The following CRB1 variants were observed in gnomAD, a reference collection of about 807,000 sequenced individuals.
CRB1 encodes crumbs cell polarity complex component 1.
A neutral mutation model predicts 120.0 loss-of-function variants in CRB1; 83 were observed. The ratio of observed to expected loss-of-function variants is 0.69; its 90% CI spans 0.58 to 0.83. CRB1 has a LOEUF of 0.83. Ranked by LOEUF, CRB1 falls within the 40% of genes least tolerant of loss-of-function variation. CRB1 has a pLI of 0.00. For missense variants in CRB1, 1,699 were observed against 1,687.6 expected (o/e 1.01, Z -0.12); for synonymous variants, 625 against 612.5 (o/e 1.02, Z -0.30).
intron 2 of CRB1, among the ~76,000 whole-genome samples, chr1:197,341,479 G>A (rs1300866245): frequency 6.6e-6 from 1 of 152,010 alleles, no homozygotes; most frequent in African/African-American, 2.4e-5. Flanking sequence ...GGAGGCAGAG[G>A]TTGCAGCGAG....
intron 5 of CRB1, among the ~76,000 whole-genome samples, chr1:197,406,379 A>C (rs1447976579): frequency 1.3e-5 from 2 of 152,122 alleles, no homozygotes; most frequent in South Asian, 4.1e-4. Flanking sequence ...TGAAGGCAGC[A>C]TGCTCGTTAA....
At chr1:197,460,643 A>C (rs1666489250) in intron 11 of CRB1, among the ~76,000 whole-genome samples, 1 of 152,146 alleles carries the variant, frequency 6.6e-6, no homozygotes. Context: ...CAAAGAAGTG[A>C]AGTGACTTAC....
intron 11 of CRB1, among the ~76,000 whole-genome samples, chr1:197,449,617 C>G (rs991574322): frequency 6.6e-6 from 1 of 152,162 alleles, no homozygotes; most frequent in Non-Finnish European, 1.5e-5. Flanking sequence ...CCGCCCGCCT[C>G]GGCCTCCCAA....
chr1:197,216,595 CCTTCA>C, the CRB1 span, among the ~76,000 whole-genome samples: 1 of 152,048 alleles, frequency 6.6e-6, no homozygotes, highest in African/African-American at 2.4e-5. Context: ...ATGATATTTA[CCTTCA>C]CTAAAAATTA....
chr1:197,371,182 G>A (rs1423238596), intron 5 of CRB1, among the ~76,000 whole-genome samples: 1 of 151,974 alleles, frequency 6.6e-6, no homozygotes, highest in Admixed American at 6.6e-5. Context: ...TTATTCCCTT[G>A]CATATACCTT....
At chr1:197,387,771 G>T (rs1177168616) in intron 5 of CRB1, among the ~76,000 whole-genome samples, 2 of 151,540 alleles carry the variant, frequency 1.3e-5, no homozygotes, top group African/African-American at 4.8e-5. Flanking sequence ...ACTACAAAAA[G>T]AATACAAGTT....
chr1:197,447,741 A>G (rs1026308459), intron 11 of CRB1, among the ~76,000 whole-genome samples: 1 of 151,884 alleles, frequency 6.6e-6, no homozygotes, highest in Non-Finnish European at 1.5e-5. Flanking sequence ...CCCAGCTACT[A>G]AGGAGGCTGA....
chr1:197,302,239 G>T (rs1218306685), intron 1 of CRB1, among the ~76,000 whole-genome samples: 1 of 152,180 alleles, frequency 6.6e-6, no homozygotes, highest in East Asian at 1.9e-4. Flanking sequence ...AAAAGATTAT[G>T]ACTTGCTAAA....
chr1:197,341,404 A>T (rs963863168), intron 2 of CRB1, among the ~76,000 whole-genome samples: 1 of 152,074 alleles, frequency 6.6e-6, no homozygotes, highest in African/African-American at 2.4e-5. Context: ...TTAGCCAAGC[A>T]TGATGGCATG....
rs78029043 is a variant in CRB1, at chr1:197,300,715, G to A, written c.71-27707G>A. Among the ~76,000 whole-genome samples, 195 of 152,312 alleles carry A rather than the reference G, an allele frequency of 1.3e-3. 2 individuals are homozygous for A. Among genetic ancestry groups the A allele is most frequent in the East Asian group, 0.012 (60 of 5,182 alleles). On this transcript the variant is annotated intron_variant, in intron 1 of 11. Coordinates refer to ENST00000367400, the MANE Select transcript of CRB1 (RefSeq NM_201253.3). ...CTACACTGAAAAGCACATTTTCAGTGTAGGCAAAACAACCTCCTGTTGGAA... is the reference window on the plus strand; with the variant it reads ...CTACACTGAAAAGCACATTTTCAGTATAGGCAAAACAACCTCCTGTTGGAA...
intron 4 of CRB1, among the ~76,000 whole-genome samples, chr1:197,353,966 C>A (rs1660267748): frequency 7.2e-6 from 1 of 139,806 alleles, no homozygotes. Flanking sequence ...AATACTCTTA[C>A]AAATCAATAT....
intron 2 of CRB1, among the ~76,000 whole-genome samples, chr1:197,336,479 C>A (rs780955109): frequency 6.6e-6 from 1 of 151,790 alleles, no homozygotes; most frequent in South Asian, 2.1e-4. Flanking sequence ...TTTTTATATG[C>A]GCTTAATTAT....
At chr1:197,228,953 C>T in the CRB1 span, among the ~76,000 whole-genome samples, 81 of 152,152 alleles carry the variant, frequency 5.3e-4, no homozygotes, top group Non-Finnish European at 9.3e-4. Flanking sequence ...GAGACTTATT[C>T]ACTACCATGA....
At chr1:197,414,815 C>T (rs1663888222) in intron 5 of CRB1, among the ~76,000 whole-genome samples, 1 of 152,100 alleles carries the variant, frequency 6.6e-6, no homozygotes, top group South Asian at 2.1e-4. Context: ...TCTTTTTTCC[C>T]ACTTTTAGTT....
the CRB1 span, among the ~76,000 whole-genome samples, chr1:197,201,833 C>T: frequency 6.6e-6 from 1 of 151,562 alleles, no homozygotes; most frequent in South Asian, 2.1e-4. Context: ...AATCTAAACG[C>T]GATTACTAAG....
chr1:197,280,715 A>G (rs1655470940), intron 1 of CRB1, among the ~76,000 whole-genome samples: 1 of 151,964 alleles, frequency 6.6e-6, no homozygotes, highest in African/African-American at 2.4e-5. Flanking sequence ...CTTGCCATCA[A>G]TATAACTATT....
intron 11 of CRB1, among the ~76,000 whole-genome samples, chr1:197,475,376 C>G (rs1667155914): frequency 6.6e-6 from 1 of 152,136 alleles, no homozygotes; most frequent in Non-Finnish European, 1.5e-5. Flanking sequence ...CCATCTTCAT[C>G]CTTCCTCTCT....
intron 1 of CRB1, among the ~76,000 whole-genome samples, chr1:197,275,541 C>T (rs1032474463): frequency 2.0e-5 from 3 of 151,896 alleles, no homozygotes; most frequent in African/African-American, 7.3e-5. Flanking sequence ...CTTATTTTCC[C>T]CCTCTTTACA....
intron 2 of CRB1, among the ~76,000 whole-genome samples, chr1:197,341,273 T>A (rs1659441024): frequency 6.6e-6 from 1 of 152,170 alleles, no homozygotes; most frequent in Non-Finnish European, 1.5e-5. Flanking sequence ...CCAGACGCAG[T>A]GGCTCATGCC....
Sources: allele counts gnomAD v4.1 joint callset (sites outside exome capture counted in the v4.1 genomes callset), GRCh38; gene constraint gnomAD v4.1.1; transcripts MANE v1.5; gene names NCBI Gene and HGNC (gene_info 2026-07-23, HGNC 2026-07-21).